SCARA5: variants seen among roughly 807,000 people sequenced by gnomAD.
SCARA5 encodes the protein scavenger receptor class A member 5.
In SCARA5, 45 loss-of-function variants were observed where a neutral mutation model predicts 46.3. The observed-to-expected ratio is 0.97, with a 90% confidence interval of 0.76 to 1.24. The LOEUF (loss-of-function observed/expected upper bound fraction) is 1.24, where lower values mean the gene tolerates loss of function less well. SCARA5 is among the 50% of genes most tolerant of loss of function. The pLI, the probability that SCARA5 is intolerant of heterozygous loss-of-function variation, is 0.00. For synonymous variants in SCARA5, 333 were observed against 306.5 expected, an observed-to-expected ratio of 1.09 and a Z score of -0.90; for missense variants, 680 against 689.0, an observed-to-expected ratio of 0.99 and a Z score of 0.15.
intron 3 of SCARA5, among the ~76,000 whole-genome samples, chr8:27,958,525 G>C (rs967403612): frequency 6.6e-6 from 1 of 152,238 alleles, no homozygotes; most frequent in Admixed American, 6.5e-5. Flanking sequence ...CAAGCCCTGG[G>C]TCATGTCCTC....
At chr8:27,901,634 ATGT>A (rs1563517752) in intron 7 of SCARA5, among the ~76,000 whole-genome samples, 1 of 152,124 alleles carries the variant, frequency 6.6e-6, no homozygotes, top group Non-Finnish European at 1.5e-5. Context: ...ATACAGCTTG[ATGT>A]TGTTGTGGTC....
intron 1 of SCARA5, among the ~76,000 whole-genome samples, chr8:27,989,291 A>T (rs1808753016): frequency 6.6e-6 from 1 of 151,654 alleles, no homozygotes; most frequent in Admixed American, 6.6e-5. Context: ...ACAAGCCACC[A>T]TGTCCAGCTA....
At chr8:27,952,671 A>T (rs1808147057) in intron 3 of SCARA5, among the ~76,000 whole-genome samples, 1 of 152,242 alleles carries the variant, frequency 6.6e-6, no homozygotes, top group Admixed American at 6.5e-5. Flanking sequence ...ATTAAGCCTT[A>T]AACATATACC....
At chr8:27,940,760 GTCCA>G (rs60443615) in intron 3 of SCARA5, among the ~76,000 whole-genome samples, 100 of 128,362 alleles carry the variant, frequency 7.8e-4, no homozygotes, top group Admixed American at 1.3e-3. Flanking sequence ...CCAACCATCT[GTCCA>G]TCCATCCATC....
intron 7 of SCARA5, among the ~76,000 whole-genome samples, chr8:27,898,012 A>G (rs1325625454): frequency 6.6e-6 from 1 of 152,184 alleles, no homozygotes; most frequent in Non-Finnish European, 1.5e-5. Flanking sequence ...GCACGGGCCC[A>G]GCTCTGGTCT....
chr8:27,918,002 T>C (rs57638706), intron 4 of SCARA5, among the ~76,000 whole-genome samples: 1,833 of 152,230 alleles, frequency 0.012, 43 homozygotes, highest in African/African-American at 0.041. Flanking sequence ...GATTTAACAG[T>C]TGCTTTTACG....
At chr8:27,990,805 G>A (rs1334899557) in intron 1 of SCARA5, among the ~76,000 whole-genome samples, 2 of 152,248 alleles carry the variant, frequency 1.3e-5, no homozygotes, top group African/African-American at 4.8e-5. Flanking sequence ...AAGCCACAGT[G>A]ACCTGTGGAT....
At position 27,992,267 on chromosome 8, in the gene SCARA5, C is replaced by T. The variant is rs1393449088; in HGVS notation, c.-26G>A. 6.6e-6 allele frequency: 1 copy of T among 152,312 alleles called. No homozygotes were observed. The highest frequency in any genetic ancestry group is 2.4e-5 in the African/African-American group (1 of 41,478). The allele number at this position is 152,312 out of a possible 1,614,324, so 9.4% of individuals were successfully genotyped here. On this transcript the variant is annotated 5_prime_UTR_variant, in exon 1 of 9. Transcript: ENST00000354914. ...AGTACCAAGACTCACCTGAGTGCCCCTGGCTGAGGCTGTAGAGCCTTGTCC... is the reference window on the plus strand; with the variant it reads ...AGTACCAAGACTCACCTGAGTGCCCTTGGCTGAGGCTGTAGAGCCTTGTCC...
At chr8:27,872,252 G>C (rs1267786481) in intron 8 of SCARA5, among the ~76,000 whole-genome samples, 182 bp from the exon 9 acceptor site, 1 of 152,104 alleles carries the variant, frequency 6.6e-6, no homozygotes, top group Non-Finnish European at 1.5e-5. Context: ...AGTTTCTTGA[G>C]GGCAGAATCA....
chr8:27,921,440 G>T, intron 4 of SCARA5, 131 bp downstream of exon 4: 2 of 738,722 alleles, frequency 2.7e-6, no homozygotes, highest in Non-Finnish European at 4.2e-6. Context: ...GAGAGTATGG[G>T]GCTGGGAATG....
At chr8:27,970,522 A>T (rs1040618492) in intron 2 of SCARA5, among the ~76,000 whole-genome samples, 39 of 152,214 alleles carry the variant, frequency 2.6e-4, no homozygotes, top group African/African-American at 8.9e-4. Flanking sequence ...TTCTGCATAA[A>T]CTGCCCAAAA....
At chr8:27,898,960 C>A (rs1042427216) in intron 7 of SCARA5, among the ~76,000 whole-genome samples, 8 of 152,250 alleles carry the variant, frequency 5.3e-5, no homozygotes, top group Non-Finnish European at 8.8e-5. Context: ...AAGCTCTGCA[C>A]CCCATCCCCA....
chr8:27,932,403 T>C (rs1585497991), intron 3 of SCARA5, among the ~76,000 whole-genome samples: 1 of 152,242 alleles, frequency 6.6e-6, no homozygotes, highest in East Asian at 1.9e-4. Context: ...AAATAAGCAA[T>C]TCCAGGGGGA....
chr8:27,963,417 T>C (rs1808320157), intron 3 of SCARA5, among the ~76,000 whole-genome samples: 3 of 152,084 alleles, frequency 2.0e-5, no homozygotes, highest in African/African-American at 2.4e-5. Context: ...AATCAAAATG[T>C]GTTGAAGAGA....
intron 3 of SCARA5, among the ~76,000 whole-genome samples, chr8:27,928,897 C>G (rs1259113932): frequency 6.6e-6 from 1 of 152,046 alleles, no homozygotes; most frequent in Non-Finnish European, 1.5e-5. Flanking sequence ...AACTCCTGAC[C>G]CACCTAGGCC....
rs983164797 is a variant in SCARA5, at chr8:27,921,872, C to A, written c.615G>T (p.Leu205=). Residue 205 remains leucine (L), a synonymous_variant, in exon 4 of 9, where the codon CTG becomes CTT. Transcript: ENST00000354914. ...SQLLLRRHAG[L]LDGLARRVGI... is the part of the protein sequence containing the mutation. ...CCACCCTGCGCGCCAGCCCGTCCAG[C>A]AGGCCCGCGTGGCGCCTCAGCAGCA... is the stretch of plus-strand genomic sequence containing the variant. The A allele has an allele frequency of 6.6e-7, 1 of 1,504,542 alleles. No individual in the cohort carries two copies. Among genetic ancestry groups the A allele is most frequent in the African/African-American group, 1.4e-5 (1 of 70,682 alleles). 93.2% of individuals were successfully genotyped at this position (1,504,542 alleles called of 1,614,324 possible). A position where few individuals can be genotyped will look rare whatever the true frequency, so the allele number is the denominator to read the frequency against.
chr8:27,951,458 A>G (rs557834461), intron 3 of SCARA5, among the ~76,000 whole-genome samples: 5 of 152,340 alleles, frequency 3.3e-5, no homozygotes, highest in East Asian at 1.9e-4. Flanking sequence ...TTGGTGACCA[A>G]CGAATGACTG....
intron 5 of SCARA5, among the ~76,000 whole-genome samples, chr8:27,907,800 C>G (rs978675324): frequency 1.3e-5 from 2 of 152,126 alleles, no homozygotes; most frequent in African/African-American, 4.8e-5. Context: ...AAACTCCTGT[C>G]CTCAAGTGAT....
intron 7 of SCARA5, among the ~76,000 whole-genome samples, chr8:27,903,885 T>G (rs1008469131): frequency 6.6e-6 from 1 of 152,102 alleles, no homozygotes; most frequent in African/African-American, 2.4e-5. Context: ...CCAGAGGCAG[T>G]GATATTCTGC....
Sources: gnomAD v4.1 joint callset for allele counts (sites outside exome capture counted in the v4.1 genomes callset) on GRCh38, gnomAD v4.1.1 for gene constraint, MANE v1.5 for transcripts, NCBI Gene and HGNC (gene_info 2026-07-23, HGNC 2026-07-21) for gene names.